PID1: variants seen among roughly 807,000 people sequenced by gnomAD.
The protein encoded by PID1 is PTB-containing, cubilin and LRP1-interacting protein.
In PID1, 10 loss-of-function variants were observed where a neutral mutation model predicts 19.1. That is an observed-to-expected ratio of 0.52 (90% confidence interval 0.32 to 0.89). PID1 has a LOEUF of 0.89. Ranked by LOEUF, PID1 falls within the 40% of genes least tolerant of loss-of-function variation. The pLI, the probability that PID1 is intolerant of heterozygous loss-of-function variation, is 0.03. For missense variants in PID1, 248 were observed against 285.3 expected (o/e 0.87, Z 0.94); for synonymous variants, 130 against 116.0 (o/e 1.12, Z -0.78).
intron 2 of PID1, among the ~76,000 whole-genome samples, chr2:229,037,935 T>C (rs1170071094): frequency 1.3e-5 from 2 of 152,144 alleles, no homozygotes; most frequent in African/African-American, 4.8e-5. Flanking sequence ...ACAAACAGTG[T>C]GGCAGGTGAA....
At chr2:229,265,770 G>A (rs1690579230) in intron 1 of PID1, among the ~76,000 whole-genome samples, 1 of 152,148 alleles carries the variant, frequency 6.6e-6, no homozygotes, top group South Asian at 2.1e-4. Flanking sequence ...AAGCTGTAAG[G>A]CTGATTCTCC....
At chr2:229,256,008 C>T (rs1254733183) in intron 1 of PID1, among the ~76,000 whole-genome samples, 1 of 152,202 alleles carries the variant, frequency 6.6e-6, no homozygotes. Flanking sequence ...ACCACCTTGG[C>T]CTTTAAGAGT....
chr2:229,164,270 C>T (rs755051089), intron 1 of PID1, among the ~76,000 whole-genome samples: 27 of 151,746 alleles, frequency 1.8e-4, no homozygotes, highest in Non-Finnish European at 2.8e-4. Flanking sequence ...ACGCCAAATG[C>T]TAGGAGCACA....
chr2:229,225,982 C>A (rs2106262476), intron 1 of PID1, among the ~76,000 whole-genome samples: 1 of 152,296 alleles, frequency 6.6e-6, no homozygotes, highest in South Asian at 2.1e-4. Flanking sequence ...GGGACATAGG[C>A]AAACTATGCC....
chr2:229,234,602 T>C (rs192832074), intron 1 of PID1, among the ~76,000 whole-genome samples: 8 of 152,160 alleles, frequency 5.3e-5, no homozygotes, highest in Non-Finnish European at 1.0e-4. Flanking sequence ...TAAATCTGTA[T>C]CATTTTAAGC....
At chr2:229,157,607 T>C (rs1363789686) in intron 1 of PID1, among the ~76,000 whole-genome samples, 1 of 152,060 alleles carries the variant, frequency 6.6e-6, no homozygotes, top group Non-Finnish European at 1.5e-5. Flanking sequence ...CAGAATTCTG[T>C]TCAACTCTTA....
At chr2:229,218,905 T>G (rs554238093) in intron 1 of PID1, among the ~76,000 whole-genome samples, 67 of 152,326 alleles carry the variant, frequency 4.4e-4, no homozygotes, top group Non-Finnish European at 8.5e-4. Context: ...CTAATCTTGA[T>G]CCATACTCCT....
Position 229,271,023 on chromosome 2 carries a change from C to T in PID1, c.21G>A (p.Glu7=). MWQPAT[E]RLQHFQTMLK... ...CCCGGGTGCCCCTTACCTGCAGGCG[C>T]TCCGTGGCCGGCTGCCACATCTTCC... The change falls in exon 1 of 3, where the codon GAG becomes GAA. Residue 7 remains glutamate (E), a synonymous_variant. Transcript: ENST00000392055. 5 of 1,543,408 alleles carry T rather than the reference C, an allele frequency of 3.2e-6. No individual in the cohort carries two copies. The highest frequency in any genetic ancestry group is 4.4e-6 in the Non-Finnish European group (5 of 1,144,198).
intron 2 of PID1, among the ~76,000 whole-genome samples, chr2:229,059,225 T>C (rs1246038818): frequency 1.3e-5 from 2 of 152,198 alleles, no homozygotes; most frequent in Non-Finnish European, 2.9e-5. Flanking sequence ...TTAGTTAAAG[T>C]TGTACTATAC....
At chr2:229,204,664 T>C (rs946137973) in intron 1 of PID1, among the ~76,000 whole-genome samples, 2 of 152,064 alleles carry the variant, frequency 1.3e-5, no homozygotes, top group African/African-American at 2.4e-5. Flanking sequence ...TGCTGTATAC[T>C]GTACAACGGA....
At chr2:229,129,139 A>T (rs1477843703) in intron 2 of PID1, among the ~76,000 whole-genome samples, 1 of 152,204 alleles carries the variant, frequency 6.6e-6, no homozygotes, top group African/African-American at 2.4e-5. Flanking sequence ...TGAATACAGA[A>T]TCAGGACTTG....
chr2:229,246,395 A>G (rs1429713632), intron 1 of PID1, among the ~76,000 whole-genome samples: 2 of 152,178 alleles, frequency 1.3e-5, no homozygotes, highest in African/African-American at 4.8e-5. Context: ...TATCCCTGCA[A>G]GGTCCATTTT....
chr2:229,139,119 A>AAG (rs1559251862), intron 2 of PID1, among the ~76,000 whole-genome samples: 147 of 83,910 alleles, frequency 1.8e-3, no homozygotes, highest in Admixed American at 2.1e-3. Context: ...AAGAAAGAGA[A>AAG]AGAAAGAAAG....
chr2:229,135,100 A>G (rs1689832904), intron 2 of PID1, among the ~76,000 whole-genome samples: 1 of 152,108 alleles, frequency 6.6e-6, no homozygotes. Flanking sequence ...GTGAGAAAGG[A>G]AGGAGGGAAT....
chr2:229,243,958 G>A (rs1321093249), intron 1 of PID1, among the ~76,000 whole-genome samples: 1 of 151,912 alleles, frequency 6.6e-6, no homozygotes, highest in Admixed American at 6.6e-5. Flanking sequence ...CTTGGTTTTT[G>A]TCAAGCAAAG....
At chr2:229,093,565 T>C (rs1454416001) in intron 2 of PID1, among the ~76,000 whole-genome samples, 1 of 152,216 alleles carries the variant, frequency 6.6e-6, no homozygotes, top group Non-Finnish European at 1.5e-5. Context: ...CTGCAGATCT[T>C]GGTTGAGCTT....
chr2:229,121,853 GAGATA>G (rs1283782644), intron 2 of PID1, among the ~76,000 whole-genome samples: 1 of 152,126 alleles, frequency 6.6e-6, no homozygotes, highest in Non-Finnish European at 1.5e-5. Flanking sequence ...TTCCATGAGG[GAGATA>G]AACAATAAAG....
At chr2:229,112,883 A>G (rs1489500945) in intron 2 of PID1, among the ~76,000 whole-genome samples, 1 of 152,176 alleles carries the variant, frequency 6.6e-6, no homozygotes, top group Non-Finnish European at 1.5e-5. Context: ...CACAGATGCT[A>G]GTGCTGCTCA....
At chr2:229,113,410 T>TTTA (rs1695338338) in intron 2 of PID1, among the ~76,000 whole-genome samples, 2 of 140,236 alleles carry the variant, frequency 1.4e-5, no homozygotes, top group African/African-American at 5.3e-5. Flanking sequence ...ATATATATAT[T>TTTA]TATATATATA....
Sources: gnomAD v4.1 joint callset for allele counts (sites outside exome capture counted in the v4.1 genomes callset) on GRCh38, gnomAD v4.1.1 for gene constraint, MANE v1.5 for transcripts, NCBI Gene and HGNC (gene_info 2026-07-23, HGNC 2026-07-21) for gene names.